CYP4F8: variants seen among roughly 807,000 people sequenced by gnomAD.
CYP4F8 encodes the protein cytochrome P450 4F8.
A neutral mutation model predicts 55.0 loss-of-function variants in CYP4F8; 56 were observed. The ratio of observed to expected loss-of-function variants is 1.02; its 90% CI spans 0.82 to 1.27. The LOEUF is 1.27. Among genes scored for constraint, CYP4F8 ranks in the 50% most tolerant of loss-of-function variants. The pLI, the probability that CYP4F8 is intolerant of heterozygous loss-of-function variation, is 0.00. For missense variants in CYP4F8, 680 were observed against 682.4 expected (o/e 1.00, Z 0.04); for synonymous variants, 288 against 267.3 (o/e 1.08, Z -0.76).
At chr19:15,626,224 A>G (rs1972259910) in intron 9 of CYP4F8, among the ~76,000 whole-genome samples, 1 of 152,086 alleles carries the variant, frequency 6.6e-6, no homozygotes. Context: ...TTTCTCTGGG[A>G]TCTACAGTTG....
Position 15,618,111 on chromosome 19 carries a change from C to T in CYP4F8, c.310C>T (p.Pro104Ser), listed in dbSNP as rs1300859518. ...CACTCCCATCATCAACTTGTGCCAC[C>T]CTGACATCGTCCGATCTGTCATCAA... ...PITPIINLCH[P>S]DIVRSVINTS... is the part of the protein sequence containing the mutation. The change falls in exon 3 of 13, where the codon CCT becomes TCT. Residue 104 changes from proline (P) to serine (S), a missense_variant. Pro to Ser is a moderately conservative substitution (Grantham distance 74). Coordinates refer to ENST00000612078, the MANE Select transcript of CYP4F8 (RefSeq NM_007253.4). 1 of 1,614,068 alleles carries T rather than the reference C, an allele frequency of 6.2e-7. No homozygotes were observed. Among genetic ancestry groups the T allele is most frequent in the Non-Finnish European group, 8.5e-7 (1 of 1,179,998 alleles).
At chr19:15,621,984 C>A in intron 5 of CYP4F8, 2 of 445,404 alleles carry the variant, frequency 4.5e-6, no homozygotes, top group South Asian at 3.2e-5. Context: ...GTGAGTTGAC[C>A]AAGGGTACAC....
Position 15,622,849 on chromosome 19 carries a change from T to A in CYP4F8, c.648-256T>A, listed in dbSNP as rs577031505. 6.9e-5 allele frequency: 36 copies of A among 523,866 alleles called. No individual in the cohort carries two copies. The South Asian group carries it at 8.2e-4, about 12-fold the overall frequency. 32.5% of individuals were successfully genotyped at this position (523,866 alleles called of 1,614,324 possible). A position where few individuals can be genotyped will look rare whatever the true frequency, so the allele number is the denominator to read the frequency against. On this transcript the variant is annotated intron_variant, in intron 6 of 12. Transcript: ENST00000612078. ...GTTTGGTGGAGAAAATGGGGCAGAT[T>A]TGGGAGAAACTGAGTAATAATAGGC...
chr19:15,625,005 T>C (rs1034049263), intron 9 of CYP4F8, among the ~76,000 whole-genome samples: 17 of 152,230 alleles, frequency 1.1e-4, no homozygotes, highest in African/African-American at 3.8e-4. Context: ...TATTTTTATT[T>C]TTGGTTCATT....
At position 15,622,249 on chromosome 19, in the gene CYP4F8, A is replaced by G; in HGVS notation, c.556A>G (p.Ser186Gly). 6.2e-7 allele frequency: 1 copy of G among 1,613,758 alleles called. No individual in the cohort carries two copies. Among genetic ancestry groups the G allele is most frequent in the Non-Finnish European group, 8.5e-7 (1 of 1,179,838 alleles). ...AKWQRLAMEG[S>G]TCLDVFEHIS... ...GTGGCAACGCCTGGCCATGGAGGGCAGCACCTGTCTGGATGTGTTTGAGCA... is the reference window on the plus strand; with the variant it reads ...GTGGCAACGCCTGGCCATGGAGGGCGGCACCTGTCTGGATGTGTTTGAGCA... Residue 186 changes from serine (S) to glycine (G), a missense_variant, in exon 6 of 13, where the codon AGC becomes GGC. Coordinates refer to ENST00000612078, the MANE Select transcript of CYP4F8 (RefSeq NM_007253.4).
intron 3 of CYP4F8, chr19:15,618,586 T>C (rs1467395534): frequency 6.1e-6 from 2 of 327,788 alleles, no homozygotes; most frequent in African/African-American, 4.3e-5. Flanking sequence ...CGATGAGTGA[T>C]AATTTTTTTT....
At chr19:15,624,793 T>C (rs1972241323) in intron 9 of CYP4F8, among the ~76,000 whole-genome samples, 1 of 152,256 alleles carries the variant, frequency 6.6e-6, no homozygotes, top group South Asian at 2.1e-4. Context: ...TAACTTTAAA[T>C]GTGGGTAAAG....
At chr19:15,625,558 A>T (rs1972252576) in intron 9 of CYP4F8, among the ~76,000 whole-genome samples, 3 of 152,062 alleles carry the variant, frequency 2.0e-5, no homozygotes, top group Admixed American at 2.0e-4. Flanking sequence ...CTACATGAGC[A>T]GCATGAAGTC....
At chr19:15,628,993 C>T (rs1464281652) in intron 12 of CYP4F8, 150 bp downstream of exon 12, 1 of 1,237,950 alleles carries the variant, frequency 8.1e-7, no homozygotes, top group Non-Finnish European at 1.1e-6. Flanking sequence ...AGCCTCCTGC[C>T]CCGTCTGGTT....
At position 15,623,119 on chromosome 19, in the gene CYP4F8, A is replaced by G. The variant is rs1455689537; in HGVS notation, c.662A>G (p.Tyr221Cys). ...DSNCQEKPSEYITAIMELSAL... is the reference protein window; with the variant it reads ...DSNCQEKPSECITAIMELSAL... ...TGGCCCTGCAGGAAGCCCAGTGAAT[A>G]TATTACTGCGATCATGGAGCTCAGT... is the stretch of plus-strand genomic sequence containing the variant. Residue 221 changes from tyrosine to cysteine, a missense_variant, in exon 7 of 13, where the codon TAT becomes TGT. Transcript: ENST00000612078. The G allele has an allele frequency of 1.2e-6, 2 of 1,614,038 alleles. No individual in the cohort carries two copies. Among genetic ancestry groups the G allele is most frequent in the African/African-American group, 2.7e-5 (2 of 75,000 alleles).
chr19:15,615,385 G>A (rs1191896241), intron 1 of CYP4F8, 105 bp downstream of exon 1: 3 of 456,502 alleles, frequency 6.6e-6, no homozygotes, highest in African/African-American at 6.0e-5. Context: ...GGTAACCAGA[G>A]GTCAAGTTGG....
rs188790251 is a variant in CYP4F8, at chr19:15,618,386, A to C, written c.343+242A>C. ...ACCACTGGGGCCCCGAGAAGCCTTA[A>C]TCCAAGGCCCTGTCCTGGAGGAATC... On this transcript the variant is annotated intron_variant, in intron 3 of 12. Transcript: ENST00000612078. 782 of 650,508 alleles carry C rather than the reference A, an allele frequency of 1.2e-3. 9 individuals are homozygous for C. Among genetic ancestry groups the C allele is most frequent in the African/African-American group, 0.012 (647 of 56,110 alleles). The allele number at this position is 650,508 out of a possible 1,614,324, so 40.3% of individuals were successfully genotyped here. A position where few individuals can be genotyped will look rare whatever the true frequency, so the allele number is the denominator to read the frequency against.
intron 5 of CYP4F8, 132 bp from the exon 6 acceptor site, chr19:15,622,087 T>A (rs1488618715): frequency 8.0e-7 from 1 of 1,242,654 alleles, no homozygotes; most frequent in Non-Finnish European, 1.1e-6. Context: ...AGCGTAGTCC[T>A]CCCTGAGGAT....
intron 9 of CYP4F8, among the ~76,000 whole-genome samples, chr19:15,625,012 C>T (rs1972243954): frequency 6.6e-6 from 1 of 151,416 alleles, no homozygotes; most frequent in African/African-American, 2.4e-5. Flanking sequence ...ATTTTTGGTT[C>T]ATTTATTTGT....
rs11669673 is a variant in CYP4F8 at position 15,628,636 on chromosome 19, G to A, written c.1314+41G>A. The A allele has an allele frequency of 2.3e-4, 370 of 1,609,282 alleles. No homozygotes were observed. The African/African-American group carries it at 4.5e-3, about 20-fold the overall frequency. ...GTTTCTCCATCCCCCGGGCCTGGTC[G>A]GGGGAGGGGTCTTGTCCCGGAAAAC... On this transcript the variant is annotated intron_variant, in intron 11 of 12. Transcript: ENST00000612078.
intron 2 of CYP4F8, among the ~76,000 whole-genome samples, chr19:15,617,131 A>G (rs1972132987): frequency 6.6e-6 from 1 of 152,108 alleles, no homozygotes; most frequent in Admixed American, 6.5e-5. Flanking sequence ...CTGAGGCCAC[A>G]TTGCTGCCCA....
intron 1 of CYP4F8, 154 bp downstream of exon 1, chr19:15,615,434 T>C (rs1258082776): frequency 1.5e-6 from 1 of 652,460 alleles, no homozygotes; most frequent in Non-Finnish European, 2.4e-6. Context: ...TTCTGGTCTC[T>C]AGTTTCCTTG....
Position 15,615,849 on chromosome 19 carries a change from G to T in CYP4F8, c.198+35G>T, listed in dbSNP as rs375613341. On this transcript the variant is annotated intron_variant, in intron 2 of 12. Coordinates refer to ENST00000612078, the MANE Select transcript of CYP4F8 (RefSeq NM_007253.4). ...AGGAGGATGGATCTAGTGTCTCAGG[G>T]TGGAAGGGTGGAAATGGGGCTCAGG... 30 of 1,560,882 alleles carry T rather than the reference G, an allele frequency of 1.9e-5. No homozygotes were observed. In the African/African-American group the frequency reaches 3.5e-4, roughly 18 times the overall value.
In CYP4F8 at chr19:15,622,328, G is replaced by A. The variant is rs1208997710; in HGVS notation, c.635G>A (p.Ser212Asn). The change falls in exon 6 of 13, where the codon AGC (serine) becomes AAC (asparagine). Residue 212 changes from serine (S) to asparagine (N), a missense_variant. Coordinates refer to ENST00000612078, the MANE Select transcript of CYP4F8 (RefSeq NM_007253.4). ...CAGAAATGCATCTTCAGCTTTGACA[G>A]CAATTGTCAGGAGTGAGTTCTTGCC... Reference protein sequence around the residue: ...SLQKCIFSFDSNCQEKPSEYI... With the variant: ...SLQKCIFSFDNNCQEKPSEYI... 6.3e-7 allele frequency: 1 copy of A among 1,581,448 alleles called. No homozygotes were observed. The highest frequency in any genetic ancestry group is 1.7e-5 in the Admixed American group (1 of 58,590).
Sources: allele counts gnomAD v4.1 joint callset (sites outside exome capture counted in the v4.1 genomes callset), GRCh38; gene constraint gnomAD v4.1.1; transcripts MANE v1.5; gene names NCBI Gene and HGNC (gene_info 2026-07-23, HGNC 2026-07-21).